NSUN6: variants seen among roughly 807,000 people sequenced by gnomAD.
The protein encoded by NSUN6 is tRNA (cytosine(72)-C(5))-methyltransferase NSUN6.
A neutral mutation model predicts 58.0 loss-of-function variants in NSUN6; 64 were observed. That is an observed-to-expected ratio of 1.10 (90% CI 0.90 to 1.36). The LOEUF (loss-of-function observed/expected upper bound fraction) is 1.36, where lower values mean the gene tolerates loss of function less well. Among genes scored for constraint, NSUN6 ranks in the 40% most tolerant of loss-of-function variants. The pLI, the probability that NSUN6 is intolerant of heterozygous loss-of-function variation, is 0.00. For synonymous variants in NSUN6, 231 were observed against 193.9 expected (o/e 1.19, Z -1.59); for missense variants, 701 against 550.1 (o/e 1.27, Z -2.74).
At chr10:18,628,884 G>C (rs536009248) in intron 3 of NSUN6, among the ~76,000 whole-genome samples, 11 of 152,212 alleles carry the variant, frequency 7.2e-5, no homozygotes, top group African/African-American at 2.6e-4. Context: ...CCAACATTCA[G>C]ATTCAGGAAA....
intron 10 of NSUN6, among the ~76,000 whole-genome samples, chr10:18,547,706 T>G (rs1384180697): frequency 6.6e-6 from 1 of 152,188 alleles, no homozygotes; most frequent in Non-Finnish European, 1.5e-5. Context: ...GGTCTTCTGA[T>G]ATCCCACAGT....
Position 18,585,980 on chromosome 10 carries a change from C to T in NSUN6, c.891G>A (p.Ala297=), listed in dbSNP as rs140019160. 1.0e-3 allele frequency: 1,610 copies of T among 1,608,034 alleles called. 33 individuals carry two copies. The Admixed American group carries it at 0.024, about 24-fold the overall frequency. Reference sequence around the variant, plus strand: ...TGTCCTCCACCATATCAAGTTTAACCGCCTTTGTTCCATCAAAACAAAATG... The same window carrying T: ...TGTCCTCCACCATATCAAGTTTAACTGCCTTTGTTCCATCAAAACAAAATG... ...IRAFCFDGTK[A]VKLDMVEDTE... is the part of the protein sequence containing the mutation. The change falls in exon 8 of 11, where the codon GCG becomes GCA. Residue 297 remains alanine, a synonymous_variant. Coordinates refer to ENST00000377304, the MANE Select transcript of NSUN6 (RefSeq NM_182543.5).
chr10:18,621,183 T>A (rs1021668173), intron 3 of NSUN6, among the ~76,000 whole-genome samples: 3 of 152,214 alleles, frequency 2.0e-5, no homozygotes, highest in African/African-American at 7.2e-5. Flanking sequence ...GCAGTGGGAA[T>A]CTACATGATG....
chr10:18,593,182 C>T (rs1373569815), intron 7 of NSUN6, among the ~76,000 whole-genome samples: 3 of 152,014 alleles, frequency 2.0e-5, no homozygotes, highest in South Asian at 2.1e-4. Flanking sequence ...GTTTGAATGG[C>T]GATTAAAAAG....
At chr10:18,591,434 G>C (rs1190188701) in intron 7 of NSUN6, among the ~76,000 whole-genome samples, 1 of 152,024 alleles carries the variant, frequency 6.6e-6, no homozygotes, top group Non-Finnish European at 1.5e-5. Context: ...AGAATTTCAG[G>C]ACAATATCCC....
Position 18,622,600 on chromosome 10 carries a change from G to T in NSUN6, c.312-6307C>A, listed in dbSNP as rs1233180554. On this transcript the variant is annotated intron_variant, in intron 3 of 10. Coordinates refer to ENST00000377304, the MANE Select transcript of NSUN6 (RefSeq NM_182543.5). ...GTGGTGGCAGACGCCTGTAATTCCAGATAGGAGGCTGAGGCAGGATAATCG... is the reference window on the plus strand; with the variant it reads ...GTGGTGGCAGACGCCTGTAATTCCATATAGGAGGCTGAGGCAGGATAATCG... 3.9e-5 allele frequency among the ~76,000 whole-genome samples: 6 copies of T among 152,308 alleles called. No individual in the cohort carries two copies. In the East Asian group the frequency reaches 9.7e-4, roughly 25 times the overall value.
upstream of NSUN6, among the ~76,000 whole-genome samples, chr10:18,654,227 C>G (rs1156982563): frequency 6.6e-6 from 1 of 152,178 alleles, no homozygotes; most frequent in Non-Finnish European, 1.5e-5. Context: ...TCCTGAGTAG[C>G]TGGTATTACA....
chr10:18,622,950 C>A lies in NSUN6; in HGVS notation c.312-6657G>T, dbSNP rs2058664330. Among the ~76,000 whole-genome samples the A allele has an allele frequency of 3.3e-5, 5 of 152,140 alleles. No homozygotes were observed. The South Asian group carries it at 6.2e-4, about 19-fold the overall frequency. On this transcript the variant is annotated intron_variant, in intron 3 of 10. Coordinates refer to ENST00000377304, the MANE Select transcript of NSUN6 (RefSeq NM_182543.5). Reference sequence around the variant, plus strand: ...TTTTGGCCTAAAAAGTTCTACTGATCCAAATGTAGCCTTTAGAAAACGCTG... The same window carrying A: ...TTTTGGCCTAAAAAGTTCTACTGATACAAATGTAGCCTTTAGAAAACGCTG...
intron 3 of NSUN6, among the ~76,000 whole-genome samples, chr10:18,633,059 T>C (rs1305286629): frequency 2.6e-5 from 4 of 151,730 alleles, no homozygotes; most frequent in Non-Finnish European, 5.9e-5. Flanking sequence ...ATATACACCA[T>C]GGAATACTAT....
intron 1 of NSUN6, among the ~76,000 whole-genome samples, chr10:18,649,448 A>G (rs2059641251): frequency 6.6e-6 from 1 of 152,110 alleles, no homozygotes; most frequent in East Asian, 1.9e-4. Flanking sequence ...CAACATGGTG[A>G]AACCCCATCA....
intron 6 of NSUN6, among the ~76,000 whole-genome samples, chr10:18,600,941 A>ATATATATATATATATATAT (rs1554869914): frequency 2.8e-4 from 12 of 43,532 alleles, no homozygotes; most frequent in Non-Finnish European, 4.9e-4. Flanking sequence ...AAAAAAAAAA[A>ATATATATATATATATATAT]ATATATATAT....
chr10:18,598,582 C>T (rs1019715956), intron 6 of NSUN6, among the ~76,000 whole-genome samples: 2 of 152,160 alleles, frequency 1.3e-5, no homozygotes, highest in Non-Finnish European at 2.9e-5. Flanking sequence ...ATCAATCCTC[C>T]CACCTCAGCC....
chr10:18,594,702 C>G (rs1196546489), intron 7 of NSUN6, among the ~76,000 whole-genome samples: 2 of 152,092 alleles, frequency 1.3e-5, no homozygotes, highest in African/African-American at 4.8e-5. Flanking sequence ...AATTGTGGCT[C>G]AAATATTTCT....
At chr10:18,576,525 C>A (rs1044054656) in intron 8 of NSUN6, among the ~76,000 whole-genome samples, 1 of 152,160 alleles carries the variant, frequency 6.6e-6, no homozygotes, top group Non-Finnish European at 1.5e-5. Context: ...AACTAAAACT[C>A]TTTTCCAGGA....
intron 1 of NSUN6, among the ~76,000 whole-genome samples, chr10:18,650,212 T>C (rs1012755633): frequency 6.6e-6 from 1 of 152,050 alleles, no homozygotes; most frequent in Non-Finnish European, 1.5e-5. Flanking sequence ...TTACGTTTAA[T>C]ATCCTAAAAC....
chr10:18,604,568 A>T (rs937562935), intron 6 of NSUN6, among the ~76,000 whole-genome samples: 1 of 152,028 alleles, frequency 6.6e-6, no homozygotes, highest in African/African-American at 2.4e-5. Flanking sequence ...ATCCCACAAG[A>T]TTTTTATTAT....
chr10:18,564,741 CTCCATTCCATTCCATACCATACTGCAT>C (rs2055793669), intron 8 of NSUN6, among the ~76,000 whole-genome samples: 1 of 145,276 alleles, frequency 6.9e-6, no homozygotes, highest in Admixed American at 6.9e-5. Flanking sequence ...CCCTTCCAGT[CTCCATTCCATTCCATACCATACTGCAT>C]TCCATTCCAT....
At chr10:18,648,086 T>G (rs1350876348) in intron 2 of NSUN6, among the ~76,000 whole-genome samples, 3 of 152,154 alleles carry the variant, frequency 2.0e-5, no homozygotes, top group Non-Finnish European at 4.4e-5. Flanking sequence ...TCACAGGTAC[T>G]TAGTATGTAC....
chr10:18,651,811 T>A (rs1244539395), upstream of NSUN6: 2 of 985,278 alleles, frequency 2.0e-6, no homozygotes. Context: ...GGCGGGATGG[T>A]CAAAGATATT....
Sources: allele counts gnomAD v4.1 joint callset (sites outside exome capture counted in the v4.1 genomes callset), GRCh38; gene constraint gnomAD v4.1.1; transcripts MANE v1.5; gene names NCBI Gene and HGNC (gene_info 2026-07-23, HGNC 2026-07-21).